The following AUH variants were observed in gnomAD, a reference collection of about 807,000 sequenced individuals.
The protein encoded by AUH is AU RNA binding methylglutaconyl-CoA hydratase.
In AUH, 29 loss-of-function variants were observed where a neutral mutation model predicts 42.3. The ratio of observed to expected loss-of-function variants is 0.69; its 90% confidence interval spans 0.51 to 0.93. AUH has a LOEUF of 0.93. AUH is among the 40% of genes least tolerant of loss of function. The pLI is 0.00. For missense variants in AUH, 452 were observed against 438.1 expected (o/e 1.03, Z -0.28); for synonymous variants, 174 against 166.4 (o/e 1.05, Z -0.35).
intron 3 of AUH, among the ~76,000 whole-genome samples, chr9:91,345,690 G>T (rs912657540): frequency 6.6e-6 from 1 of 151,718 alleles, no homozygotes; most frequent in African/African-American, 2.4e-5. Flanking sequence ...AAAATTAGCC[G>T]GGCGTGGTGG....
chr9:91,215,197 T>C (rs969329379), intron 9 of AUH, among the ~76,000 whole-genome samples: 5 of 152,160 alleles, frequency 3.3e-5, no homozygotes, highest in African/African-American at 7.2e-5. Context: ...GTTCTATCTT[T>C]CAGAGAAAGA....
intron 6 of AUH, among the ~76,000 whole-genome samples, chr9:91,246,617 T>C (rs1828810068): frequency 6.6e-6 from 1 of 152,124 alleles, no homozygotes; most frequent in Admixed American, 6.5e-5. Context: ...AATACAGAAC[T>C]AATAAATGAA....
intron 6 of AUH, among the ~76,000 whole-genome samples, chr9:91,288,464 T>C (rs902424085): frequency 6.6e-6 from 1 of 152,120 alleles, no homozygotes; most frequent in African/African-American, 2.4e-5. Context: ...TAGGGCTATA[T>C]ATTGTACAAA....
chr9:91,307,241 C>A (rs944079106), intron 4 of AUH, among the ~76,000 whole-genome samples: 16 of 152,066 alleles, frequency 1.1e-4, no homozygotes, highest in African/African-American at 3.9e-4. Context: ...TGTCATTACA[C>A]CTCAATAAAG....
intron 6 of AUH, among the ~76,000 whole-genome samples, chr9:91,283,039 T>C (rs895639128): frequency 1.4e-4 from 22 of 152,194 alleles, no homozygotes; most frequent in African/African-American, 5.3e-4. Context: ...ATATCCCTGA[T>C]GAACATCGGT....
At chr9:91,282,577 G>C (rs1826056732) in intron 6 of AUH, among the ~76,000 whole-genome samples, 1 of 152,200 alleles carries the variant, frequency 6.6e-6, no homozygotes, top group Admixed American at 6.5e-5. Flanking sequence ...GCTGAGGTCA[G>C]AGAAGTAGCC....
Position 91,216,111 on chromosome 9 carries a change from G to T in AUH, c.895-5C>A. 6.2e-7 allele frequency: 1 copy of T among 1,611,896 alleles called. No homozygotes were observed. The highest frequency in any genetic ancestry group is 2.2e-5 in the East Asian group (1 of 44,872). On this transcript the variant is annotated splice_polypyrimidine_tract_variant and splice_region_variant and intron_variant, in intron 8 of 9. Transcript: ENST00000375731. ...TAACCCTGTTACTAAATCGACCTGA[G>T]AATAAAAACATAATCCATTTCAGCA...
chr9:91,287,981 T>C (rs1221119970), intron 6 of AUH, among the ~76,000 whole-genome samples: 4 of 152,116 alleles, frequency 2.6e-5, no homozygotes, highest in East Asian at 3.9e-4. Flanking sequence ...AATAGATCTT[T>C]GTAAAGGGTA....
At chr9:91,264,831 A>G (rs1260442693) in intron 6 of AUH, among the ~76,000 whole-genome samples, 1 of 152,202 alleles carries the variant, frequency 6.6e-6, no homozygotes. Flanking sequence ...TAACTTTGCT[A>G]TCTTATATCT....
At chr9:91,235,331 GT>G (rs1196745777) in intron 6 of AUH, among the ~76,000 whole-genome samples, 1 of 152,150 alleles carries the variant, frequency 6.6e-6, no homozygotes, top group Non-Finnish European at 1.5e-5. Flanking sequence ...TGGAATAAGT[GT>G]TGTCTGAAAT....
intron 6 of AUH, among the ~76,000 whole-genome samples, chr9:91,267,783 T>C (rs942997295): frequency 7.9e-5 from 12 of 152,136 alleles, no homozygotes; most frequent in Admixed American, 5.9e-4. Context: ...AAAGGTGATG[T>C]AGGGAGCTCA....
intron 1 of AUH, among the ~76,000 whole-genome samples, chr9:91,361,218 A>C (rs1832824813): frequency 6.6e-6 from 1 of 152,244 alleles, no homozygotes. Flanking sequence ...AATAAAAGGC[A>C]GTTTCACCGC....
rs989528835 is a variant in AUH, at chr9:91,222,051, C to G, written c.656-1059G>C. On this transcript the variant is annotated intron_variant, in intron 6 of 9. Coordinates refer to ENST00000375731, the MANE Select transcript of AUH (RefSeq NM_001698.3). ...AGAGCAGGAAAAGCAAACTGACGCC[C>G]ACCATCTACACAAGTTCACTGGGTT... is the stretch of plus-strand genomic sequence containing the variant. Among the ~76,000 whole-genome samples the G allele has an allele frequency of 2.0e-5, 3 of 152,226 alleles. No homozygotes were observed. In the South Asian group the frequency reaches 6.2e-4, roughly 32 times the overall value.
Position 91,355,882 on chromosome 9 carries a change from C to A in AUH, c.418+1G>T, listed in dbSNP as rs766173405. On this transcript the variant is annotated splice_donor_variant, in intron 3 of 9. Coordinates refer to ENST00000375731, the MANE Select transcript of AUH (RefSeq NM_001698.3). LOFTEE classifies it high-confidence loss of function. Reference sequence around the variant, plus strand: ...TTTCATAATACAACATATTTACATACCAGCACAGAATATCCCTGGGACTTC... The same window carrying A: ...TTTCATAATACAACATATTTACATAACAGCACAGAATATCCCTGGGACTTC... 4.4e-6 allele frequency: 7 copies of A among 1,603,632 alleles called. No individual in the cohort carries two copies. In the Admixed American group the frequency reaches 8.3e-5, roughly 19 times the overall value.
intron 6 of AUH, among the ~76,000 whole-genome samples, chr9:91,270,302 T>C (rs1825009618): frequency 6.6e-6 from 1 of 152,090 alleles, no homozygotes; most frequent in South Asian, 2.1e-4. Context: ...CCTCCCACTG[T>C]AAAGCCCTGT....
chr9:91,356,383 A>T (rs1284308246), intron 1 of AUH, among the ~76,000 whole-genome samples: 1 of 152,220 alleles, frequency 6.6e-6, no homozygotes, highest in African/African-American at 2.4e-5. Flanking sequence ...ATTAGTGAAA[A>T]TTTTAAGTTA....
intron 4 of AUH, among the ~76,000 whole-genome samples, chr9:91,324,574 C>A (rs1829835528): frequency 7.1e-6 from 1 of 139,988 alleles, no homozygotes; most frequent in Non-Finnish European, 1.6e-5. Context: ...AGCCAAATCT[C>A]ATTTGAAAAG....
intron 4 of AUH, among the ~76,000 whole-genome samples, chr9:91,311,464 A>G (rs1398185092): frequency 6.6e-6 from 1 of 152,252 alleles, no homozygotes; most frequent in Admixed American, 6.5e-5. Flanking sequence ...GCCTCACACT[A>G]AATTCTGTAA....
At chr9:91,264,652 C>T (rs1207402454) in intron 6 of AUH, among the ~76,000 whole-genome samples, 1 of 152,122 alleles carries the variant, frequency 6.6e-6, no homozygotes, top group African/African-American at 2.4e-5. Flanking sequence ...CATGGTGGCT[C>T]ACAACTATAA....
Sources: gnomAD v4.1 joint callset for allele counts (sites outside exome capture counted in the v4.1 genomes callset) on GRCh38, gnomAD v4.1.1 for gene constraint, MANE v1.5 for transcripts, NCBI Gene and HGNC (gene_info 2026-07-23, HGNC 2026-07-21) for gene names.